FCGR2B: variants seen among roughly 807,000 people sequenced by gnomAD.
The protein encoded by FCGR2B is Fc gamma receptor IIb.
A neutral mutation model predicts 24.8 loss-of-function variants in FCGR2B; 18 were observed. The observed-to-expected ratio is 0.73, with a 90% CI of 0.50 to 1.08. The LOEUF is 1.08. Among genes scored for constraint, FCGR2B ranks in the 50% least tolerant of loss-of-function variants. The pLI is 0.00. For synonymous variants in FCGR2B, 79 were observed against 109.8 expected, an observed-to-expected ratio of 0.72 and a Z score of 1.75; for missense variants, 215 against 297.6, an observed-to-expected ratio of 0.72 and a Z score of 2.04.
chr1:161,672,443 G>T (rs4999918), intron 3 of FCGR2B: 89 of 173,530 alleles, frequency 5.1e-4, no homozygotes, highest in South Asian at 9.6e-4. Context: ...CTGGAAAGAA[G>T]CTCCACATTT....
chr1:161,675,578 G>T (rs571815093), intron 6 of FCGR2B: 365 of 380,434 alleles, frequency 9.6e-4, no homozygotes, highest in Non-Finnish European at 1.5e-3. Flanking sequence ...CAGGAATCTG[G>T]TGATATTTCC....
At chr1:161,649,436 AT>A in the FCGR2B span, among the ~76,000 whole-genome samples, 1 of 151,064 alleles carries the variant, frequency 6.6e-6, no homozygotes, top group African/African-American at 2.4e-5. Context: ...TCTCACCATG[AT>A]ACAACTCTAC....
chr1:161,669,739 A>G lies in FCGR2B; in HGVS notation c.113-513A>G, dbSNP rs569525807. ...TACACTTATGTATGTCTGTATGTGAACAGCGTGTGTCTGTGTGTGATCACA... is the reference window on the plus strand; with the variant it reads ...TACACTTATGTATGTCTGTATGTGAGCAGCGTGTGTCTGTGTGTGATCACA... On this transcript the variant is annotated intron_variant, in intron 1 of 7. Coordinates refer to ENST00000358671, the MANE Select transcript of FCGR2B (RefSeq NM_001394477.1). 1.2e-3 allele frequency among the ~76,000 whole-genome samples: 140 copies of G among 113,340 alleles called. 6 individuals carry two copies. Among genetic ancestry groups the G allele is most frequent in the African/African-American group, 4.1e-3 (134 of 33,040 alleles). The allele number at this position is 113,340 out of a possible 152,430, so 74.4% of individuals were successfully genotyped here.
In FCGR2B at chr1:161,678,444, A is replaced by G. The variant is rs750855011; in HGVS notation, c.*891A>G. 32 of 218,292 alleles carry G rather than the reference A, an allele frequency of 1.5e-4. No homozygotes were observed. The highest frequency in any genetic ancestry group is 2.8e-4 in the Non-Finnish European group (30 of 108,624). The allele number at this position is 218,292 out of a possible 1,614,324, so 13.5% of individuals were successfully genotyped here. ...GCCTAGGGGCAATAGGCTATACGCT[A>G]CAGCCTAGGTGTGTAGTAGGCCACA... On this transcript the variant is annotated 3_prime_UTR_variant, in exon 8 of 8. Transcript: ENST00000358671.
rs1682295979 is a variant in FCGR2B at position 161,678,169 on chromosome 1, G to C, written c.*616G>C. On this transcript the variant is annotated 3_prime_UTR_variant, in exon 8 of 8. Coordinates refer to ENST00000358671, the MANE Select transcript of FCGR2B (RefSeq NM_001394477.1). ...GAAGGCAGGAATGGATAGGATAGGG[G>C]GAGGAGAGGAGAGATGGGGATTTAG... 2 of 223,298 alleles carry C rather than the reference G, an allele frequency of 9.0e-6. No individual in the cohort carries two copies. Among genetic ancestry groups the C allele is most frequent in the Admixed American group, 1.2e-4 (2 of 17,390 alleles). The allele number at this position is 223,298 out of a possible 1,614,324, so 13.8% of individuals were successfully genotyped here.
chr1:161,649,336 C>T, the FCGR2B span, among the ~76,000 whole-genome samples: 46 of 150,952 alleles, frequency 3.0e-4, 1 homozygote, highest in East Asian at 7.8e-4. Context: ...TAGGTAAATC[C>T]GTTACCTTTT....
chr1:161,671,802 C>T (rs2102662623), intron 3 of FCGR2B, 153 bp downstream of exon 3: 1 of 1,436,634 alleles, frequency 7.0e-7, no homozygotes, highest in Non-Finnish European at 9.3e-7. Flanking sequence ...GTTTTTGCCT[C>T]AGTTCTGATT....
the FCGR2B span, among the ~76,000 whole-genome samples, chr1:161,647,912 C>T: frequency 1.3e-4 from 20 of 150,994 alleles, no homozygotes; most frequent in East Asian, 1.7e-3. Flanking sequence ...GGGCAGATCC[C>T]GGAGAGTCAG....
chr1:161,655,843 T>TTTTATTTA, the FCGR2B span, among the ~76,000 whole-genome samples: 128 of 55,566 alleles, frequency 2.3e-3, no homozygotes, highest in Non-Finnish European at 4.7e-3. Flanking sequence ...TTTCCTCAAT[T>TTTTATTTA]TTTATTTATT....
At chr1:161,651,055 G>A in the FCGR2B span, among the ~76,000 whole-genome samples, 1 of 83,116 alleles carries the variant, frequency 1.2e-5, no homozygotes, top group Non-Finnish European at 2.7e-5. Flanking sequence ...AGGGACACCA[G>A]GAGGGGAACC....
intron 4 of FCGR2B, chr1:161,673,559 A>C (rs780740144): frequency 1.4e-6 from 1 of 710,886 alleles, no homozygotes; most frequent in Non-Finnish European, 2.6e-6. Context: ...GTTTGCCTTT[A>C]TTCTTCTCAT....
the FCGR2B span, among the ~76,000 whole-genome samples, chr1:161,647,652 T>G: frequency 2.0e-5 from 3 of 150,874 alleles, no homozygotes; most frequent in African/African-American, 7.4e-5. Flanking sequence ...GTTGGCTGTT[T>G]CTTGCATTAA....
chr1:161,652,035 TA>T, the FCGR2B span, among the ~76,000 whole-genome samples: 1 of 116,842 alleles, frequency 8.6e-6, no homozygotes, highest in Non-Finnish European at 1.9e-5. Context: ...TTAAATATGA[TA>T]TGTTTAGGAG....
chr1:161,678,254 G>A lies in FCGR2B; in HGVS notation c.*701G>A, dbSNP rs1331938927. The A allele has an allele frequency of 4.6e-6, 1 of 219,304 alleles. No homozygotes were observed. The highest frequency in any genetic ancestry group is 6.7e-5 in the East Asian group (1 of 14,968). 13.6% of individuals were successfully genotyped at this position (219,304 alleles called of 1,614,324 possible). On this transcript the variant is annotated 3_prime_UTR_variant, in exon 8 of 8. Transcript: ENST00000358671. ...ATACAGTCACGCACCACATAATGAT[G>A]TTTAGTTCAACAACAGACTGCATAT...
rs1681644565 is a variant in FCGR2B at position 161,671,399 on chromosome 1, C to T, written c.141C>T (p.Pro47=). ...LAPVAGTPAA[P]PKAVLKLEPQ... is the part of the protein sequence containing the mutation. ...CCTCTCTCTGCCCCTCAGCAGCTCC[C>T]CCAAAGGCTGTGCTGAAACTCGAGC... Residue 47 remains proline (P), a synonymous_variant, in exon 3 of 8, where the codon CCC becomes CCT. Coordinates refer to ENST00000358671, the MANE Select transcript of FCGR2B (RefSeq NM_001394477.1). The T allele has an allele frequency of 1.2e-6, 2 of 1,614,156 alleles. No individual in the cohort carries two copies. The highest frequency in any genetic ancestry group is 2.2e-5 in the South Asian group (2 of 91,080).
At position 161,675,095 on chromosome 1, in the gene FCGR2B, C is replaced by T. The variant is rs954176601; in HGVS notation, c.761-162C>T. Reference sequence around the variant, plus strand: ...GCCTCTGGACCAGCCCTTTTCCAGGCGGGAGCAGCCTCTGAGCAGGGGAGC... The same window carrying T: ...GCCTCTGGACCAGCCCTTTTCCAGGTGGGAGCAGCCTCTGAGCAGGGGAGC... On this transcript the variant is annotated intron_variant, in intron 5 of 7. Transcript: ENST00000358671. The T allele has an allele frequency of 1.2e-4, 69 of 562,216 alleles. No individual in the cohort carries two copies. The East Asian group carries it at 1.7e-3, about 13-fold the overall frequency. 34.8% of individuals were successfully genotyped at this position (562,216 alleles called of 1,614,324 possible).
the FCGR2B span, among the ~76,000 whole-genome samples, chr1:161,651,860 G>A: frequency 6.3e-5 from 8 of 127,426 alleles, no homozygotes; most frequent in Non-Finnish European, 1.4e-4. Context: ...TTGAACCCAG[G>A]AGGCAGAGGT....
the FCGR2B span, among the ~76,000 whole-genome samples, chr1:161,652,769 T>G: frequency 7.4e-6 from 1 of 134,700 alleles, no homozygotes; most frequent in African/African-American, 2.6e-5. Context: ...CCCCTCTTAT[T>G]CTGGTAAGCT....
the FCGR2B span, among the ~76,000 whole-genome samples, chr1:161,650,220 T>C: frequency 6.8e-6 from 1 of 147,164 alleles, no homozygotes; most frequent in South Asian, 2.2e-4. Flanking sequence ...CAGGCTGGTC[T>C]CAAACTCCTG....
Sources: gnomAD v4.1 joint callset for allele counts (sites outside exome capture counted in the v4.1 genomes callset) on GRCh38, gnomAD v4.1.1 for gene constraint, MANE v1.5 for transcripts, NCBI Gene and HGNC (gene_info 2026-07-23, HGNC 2026-07-21) for gene names.